The following ANKS1B variants were observed in gnomAD, a reference collection of about 807,000 sequenced individuals.
ANKS1B encodes the protein ankyrin repeat and sterile alpha motif domain-containing protein 1B.
In ANKS1B, 36 loss-of-function variants were observed where a neutral mutation model predicts 148.3. That is an observed-to-expected ratio of 0.24 (90% confidence interval 0.19 to 0.32). ANKS1B has a LOEUF of 0.32. Ranked by LOEUF, ANKS1B falls within the 10% of genes least tolerant of loss-of-function variation. The pLI, the probability that ANKS1B is intolerant of heterozygous loss-of-function variation, is 1.00. For synonymous variants in ANKS1B, 542 were observed against 560.8 expected, an observed-to-expected ratio of 0.97 and a Z score of 0.47; for missense variants, 1,157 against 1,542.6, an observed-to-expected ratio of 0.75 and a Z score of 4.19.
chr12:99,842,591 GT>G (rs548198629), intron 1 of ANKS1B, among the ~76,000 whole-genome samples: 1 of 152,028 alleles, frequency 6.6e-6, no homozygotes, highest in Non-Finnish European at 1.5e-5. Flanking sequence ...TTCGAAGTTG[GT>G]TTAGCCAAAA....
chr12:99,236,722 T>C (rs896508228), intron 14 of ANKS1B, among the ~76,000 whole-genome samples: 4 of 152,198 alleles, frequency 2.6e-5, no homozygotes, highest in African/African-American at 7.2e-5. Flanking sequence ...AAGGAGGGCA[T>C]GCTTGTCTTG....
At chr12:99,278,462 A>G (rs2077970016) in intron 12 of ANKS1B, among the ~76,000 whole-genome samples, 1 of 152,244 alleles carries the variant, frequency 6.6e-6, no homozygotes, top group African/African-American at 2.4e-5. Flanking sequence ...GCTGATATTT[A>G]TCTTAACTAA....
At chr12:99,679,358 G>A (rs2098600609) in intron 8 of ANKS1B, among the ~76,000 whole-genome samples, 1 of 152,154 alleles carries the variant, frequency 6.6e-6, no homozygotes, top group Non-Finnish European at 1.5e-5. Context: ...ACCCAGGCTG[G>A]AGTGCAGTGG....
At chr12:98,774,003 G>A (rs527677866) in intron 24 of ANKS1B, among the ~76,000 whole-genome samples, 1 of 152,346 alleles carries the variant, frequency 6.6e-6, no homozygotes, top group African/African-American at 2.4e-5. Context: ...AAGCAGGCAG[G>A]TGGAAGCCTC....
At chr12:99,303,928 C>T (rs1420781495) in intron 12 of ANKS1B, among the ~76,000 whole-genome samples, 1 of 152,146 alleles carries the variant, frequency 6.6e-6, no homozygotes, top group Admixed American at 6.6e-5. Flanking sequence ...TGGTCTCCGA[C>T]TCCATCTAGG....
chr12:98,985,679 A>T (rs999875176), intron 17 of ANKS1B, among the ~76,000 whole-genome samples: 1 of 151,994 alleles, frequency 6.6e-6, no homozygotes, highest in African/African-American at 2.4e-5. Flanking sequence ...GAATGATACT[A>T]TTGTCTTTCA....
chr12:98,969,365 T>C (rs1003793019), intron 17 of ANKS1B, among the ~76,000 whole-genome samples: 1 of 152,186 alleles, frequency 6.6e-6, no homozygotes, highest in African/African-American at 2.4e-5. Context: ...TAAATGGGCA[T>C]GATGAAATTT....
chr12:99,282,551 A>G (rs945087141), intron 12 of ANKS1B, among the ~76,000 whole-genome samples: 1 of 152,172 alleles, frequency 6.6e-6, no homozygotes, highest in Non-Finnish European at 1.5e-5. Context: ...AAAGGCTATT[A>G]TTCCCCTAAT....
intron 17 of ANKS1B, chr12:98,931,629 C>T (rs1369505067): frequency 6.6e-6 from 1 of 152,060 alleles, no homozygotes; most frequent in Non-Finnish European, 1.5e-5. Flanking sequence ...TCGTTTTGTA[C>T]TAGAGAAAAA....
At chr12:99,058,247 T>A (rs1261088836) in intron 16 of ANKS1B, among the ~76,000 whole-genome samples, 1 of 150,036 alleles carries the variant, frequency 6.7e-6, no homozygotes, top group Non-Finnish European at 1.5e-5. Context: ...TTTTTTTTTT[T>A]TTTTTTAAGA....
At chr12:98,884,883 T>C (rs540872793) in intron 17 of ANKS1B, among the ~76,000 whole-genome samples, 11 of 151,502 alleles carry the variant, frequency 7.3e-5, no homozygotes, top group Non-Finnish European at 1.5e-4. Context: ...ATCTTTCCCC[T>C]GAGTTCCAGA....
At chr12:98,875,005 T>TA (rs1245957793) in intron 17 of ANKS1B, among the ~76,000 whole-genome samples, 1 of 152,204 alleles carries the variant, frequency 6.6e-6, no homozygotes, top group Non-Finnish European at 1.5e-5. Flanking sequence ...TAAAATGACT[T>TA]AAACAGTTTA....
intron 17 of ANKS1B, among the ~76,000 whole-genome samples, chr12:99,008,463 T>G (rs947055082): frequency 6.6e-6 from 1 of 152,178 alleles, no homozygotes; most frequent in African/African-American, 2.4e-5. Flanking sequence ...CAATTTTAGT[T>G]TCCTGAGCAT....
intron 10 of ANKS1B, among the ~76,000 whole-genome samples, chr12:99,485,177 C>G (rs547631241): frequency 4.7e-4 from 71 of 152,066 alleles, no homozygotes; most frequent in African/African-American, 1.7e-3. Flanking sequence ...ACGTTTAGAA[C>G]ACCTTTTAGC....
In ANKS1B at chr12:98,777,982, A is replaced by C. The variant is rs528581119; in HGVS notation, c.3441+3135T>G. 7.2e-5 allele frequency among the ~76,000 whole-genome samples: 11 copies of C among 152,282 alleles called. No individual in the cohort carries two copies. In the South Asian group the frequency reaches 8.3e-4, roughly 11 times the overall value. On this transcript the variant is annotated intron_variant, in intron 24 of 26. Coordinates refer to ENST00000683438, the MANE Select transcript of ANKS1B (RefSeq NM_001352186.2). ...TAACAGAAAAAGCATTAGGTTAGGGAGGTTGAAAATCAAGTTTTAGTCGTT... is the reference window on the plus strand; with the variant it reads ...TAACAGAAAAAGCATTAGGTTAGGGCGGTTGAAAATCAAGTTTTAGTCGTT...
intron 9 of ANKS1B, among the ~76,000 whole-genome samples, chr12:98,735,823 A>G (rs182363605): frequency 3.3e-5 from 5 of 152,266 alleles, no homozygotes; most frequent in Non-Finnish European, 7.4e-5. Context: ...AGTAAAATCT[A>G]TAGTGAATTT....
At chr12:99,079,835 T>C (rs190852351) in intron 16 of ANKS1B, 2 of 152,324 alleles carry the variant, frequency 1.3e-5, no homozygotes, top group East Asian at 3.9e-4. Context: ...CTGGAACCAA[T>C]AAGGCTGACT....
intron 12 of ANKS1B, among the ~76,000 whole-genome samples, chr12:99,399,380 G>A (rs1044991079): frequency 6.6e-6 from 1 of 152,042 alleles, no homozygotes; most frequent in Admixed American, 6.6e-5. Context: ...ACATTTCCAG[G>A]TCCCTGGTAT....
At chr12:99,098,924 G>A (rs1194492890) in intron 15 of ANKS1B, among the ~76,000 whole-genome samples, 1 of 151,612 alleles carries the variant, frequency 6.6e-6, no homozygotes, top group Non-Finnish European at 1.5e-5. Flanking sequence ...CTTTGAGTTT[G>A]TGTGTTATAA....
Sources: gnomAD v4.1 joint callset for allele counts (sites outside exome capture counted in the v4.1 genomes callset) on GRCh38, gnomAD v4.1.1 for gene constraint, MANE v1.5 for transcripts, NCBI Gene and HGNC (gene_info 2026-07-23, HGNC 2026-07-21) for gene names.